GRIP1: variants seen among roughly 807,000 people sequenced by gnomAD.
GRIP1 encodes the protein glutamate receptor-interacting protein 1.
A neutral mutation model predicts 129.9 loss-of-function variants in GRIP1; 45 were observed. The observed-to-expected ratio is 0.35, with a 90% CI of 0.27 to 0.44. GRIP1 has a LOEUF of 0.44. Ranked by LOEUF, GRIP1 falls within the 20% of genes least tolerant of loss-of-function variation. GRIP1 has a pLI of 1.00. For missense variants in GRIP1, 1,196 were observed against 1,396.8 expected, an observed-to-expected ratio of 0.86 and a Z score of 2.29; for synonymous variants, 530 against 520.8, an observed-to-expected ratio of 1.02 and a Z score of -0.24.
chr12:66,598,974 A>C (rs1275373304), intron 1 of GRIP1, among the ~76,000 whole-genome samples: 1 of 149,800 alleles, frequency 6.7e-6, no homozygotes, highest in Admixed American at 6.6e-5. Flanking sequence ...AGTTCTTTAG[A>C]AATGTACCCA....
intron 1 of GRIP1, among the ~76,000 whole-genome samples, chr12:67,013,577 T>C (rs2042740565): frequency 6.6e-6 from 1 of 152,180 alleles, no homozygotes; most frequent in African/African-American, 2.4e-5. Flanking sequence ...TTCATGCACA[T>C]TCATTACAGG....
chr12:66,805,151 C>G (rs1183058898), upstream of GRIP1, among the ~76,000 whole-genome samples: 2 of 152,064 alleles, frequency 1.3e-5, no homozygotes, highest in Non-Finnish European at 2.9e-5. Context: ...TCAATTGTTA[C>G]ATTTTTAAAA....
chr12:66,994,842 T>C (rs1010291260), intron 1 of GRIP1, among the ~76,000 whole-genome samples: 8 of 152,176 alleles, frequency 5.3e-5, no homozygotes, highest in African/African-American at 1.9e-4. Flanking sequence ...GACAAGCTGA[T>C]TTTAAAATTT....
At chr12:67,040,316 G>GT (rs950509822) in intron 1 of GRIP1, among the ~76,000 whole-genome samples, 8 of 150,802 alleles carry the variant, frequency 5.3e-5, no homozygotes, top group African/African-American at 1.9e-4. Flanking sequence ...ATAAGAGAAA[G>GT]TATCTGTCTC....
intron 1 of GRIP1, among the ~76,000 whole-genome samples, chr12:66,888,511 C>T (rs2040603393): frequency 6.6e-6 from 1 of 152,176 alleles, no homozygotes; most frequent in Non-Finnish European, 1.5e-5. Flanking sequence ...AGGCATGTGC[C>T]ACCATGCACA....
At chr12:66,413,793 C>T (rs2057485548) in intron 15 of GRIP1, among the ~76,000 whole-genome samples, 1 of 152,166 alleles carries the variant, frequency 6.6e-6, no homozygotes, top group African/African-American at 2.4e-5. Flanking sequence ...GTTGGTTCAA[C>T]ATACACAAAA....
chr12:66,799,236 T>A (rs2038788941), intron 1 of GRIP1, among the ~76,000 whole-genome samples: 1 of 152,068 alleles, frequency 6.6e-6, no homozygotes, highest in Non-Finnish European at 1.5e-5. Context: ...AACCAGCCCA[T>A]GGAACATGAT....
At chr12:66,879,336 G>A (rs557510859) in intron 1 of GRIP1, among the ~76,000 whole-genome samples, 1 of 152,076 alleles carries the variant, frequency 6.6e-6, no homozygotes, top group East Asian at 1.9e-4. Flanking sequence ...CTACATACCA[G>A]GTGCTTAGTG....
At chr12:66,793,174 C>T (rs1255427506) in intron 1 of GRIP1, among the ~76,000 whole-genome samples, 1 of 152,046 alleles carries the variant, frequency 6.6e-6, no homozygotes, top group African/African-American at 2.4e-5. Context: ...TATATAGATG[C>T]ATTGGTTTTT....
chr12:67,058,064 C>T (rs896298722), intron 1 of GRIP1, among the ~76,000 whole-genome samples: 1 of 152,012 alleles, frequency 6.6e-6, no homozygotes, highest in Non-Finnish European at 1.5e-5. Context: ...CAGTGGTTTA[C>T]AATGGAATTT....
chr12:67,050,508 T>C (rs772410558), intron 1 of GRIP1, among the ~76,000 whole-genome samples: 2 of 152,100 alleles, frequency 1.3e-5, no homozygotes, highest in African/African-American at 2.4e-5. Flanking sequence ...ATTTGCTCAA[T>C]TGGAAAAAAA....
intron 23 of GRIP1, among the ~76,000 whole-genome samples, chr12:66,359,035 G>A (rs1257596450): frequency 6.6e-6 from 1 of 152,152 alleles, no homozygotes; most frequent in Non-Finnish European, 1.5e-5. Flanking sequence ...CAACACACCT[G>A]GGGCAGGGAC....
chr12:66,865,802 T>C (rs1566057325), intron 1 of GRIP1, among the ~76,000 whole-genome samples: 1 of 152,178 alleles, frequency 6.6e-6, no homozygotes, highest in Non-Finnish European at 1.5e-5. Context: ...TCTGTATGCT[T>C]TTCTTCCTAT....
chr12:66,919,349 T>C (rs953040296), intron 1 of GRIP1, among the ~76,000 whole-genome samples: 10 of 152,154 alleles, frequency 6.6e-5, no homozygotes, highest in Non-Finnish European at 1.3e-4. Flanking sequence ...TTATACTCCT[T>C]AGGGAATCTG....
At chr12:66,505,906 C>T (rs1229223216) in intron 7 of GRIP1, among the ~76,000 whole-genome samples, 1 of 152,090 alleles carries the variant, frequency 6.6e-6, no homozygotes, top group African/African-American at 2.4e-5. Flanking sequence ...CTTGAGCAGA[C>T]CATTTCACAA....
intron 1 of GRIP1, among the ~76,000 whole-genome samples, chr12:66,880,007 C>T (rs948229906): frequency 2.6e-5 from 4 of 151,998 alleles, no homozygotes; most frequent in Non-Finnish European, 5.9e-5. Flanking sequence ...ATGCTAAGGC[C>T]TACTGGGAGA....
chr12:66,934,249 T>A (rs1479673857), intron 1 of GRIP1, among the ~76,000 whole-genome samples: 3 of 152,228 alleles, frequency 2.0e-5, no homozygotes, highest in Non-Finnish European at 4.4e-5. Flanking sequence ...TCTGCTCATG[T>A]CTTACTGACT....
intron 1 of GRIP1, among the ~76,000 whole-genome samples, chr12:66,963,268 T>C (rs992582392): frequency 1.3e-5 from 2 of 152,104 alleles, no homozygotes; most frequent in Non-Finnish European, 2.9e-5. Flanking sequence ...TGAGCCATGA[T>C]TGCACCACTG....
intron 7 of GRIP1, among the ~76,000 whole-genome samples, chr12:66,513,628 G>C (rs563303404): frequency 1.9e-3 from 289 of 151,918 alleles, no homozygotes; most frequent in African/African-American, 6.7e-3. Flanking sequence ...TTTCTGTTTT[G>C]GCTGATATAC....
Sources: gnomAD v4.1 joint callset for allele counts (sites outside exome capture counted in the v4.1 genomes callset) on GRCh38, gnomAD v4.1.1 for gene constraint, MANE v1.5 for transcripts, NCBI Gene and HGNC (gene_info 2026-07-23, HGNC 2026-07-21) for gene names.